ZMAT4: variants seen among roughly 807,000 people sequenced by gnomAD.
ZMAT4 encodes zinc finger matrin-type 4, also known as zinc finger matrin-type protein 4.
In ZMAT4, 17 loss-of-function variants were observed where a neutral mutation model predicts 28.7. The observed-to-expected ratio is 0.59, with a 90% CI of 0.41 to 0.89. The LOEUF is 0.89. Among genes scored for constraint, ZMAT4 ranks in the 40% least tolerant of loss-of-function variants. ZMAT4 has a pLI of 0.00. For synonymous variants in ZMAT4, 117 were observed against 109.2 expected (o/e 1.07, Z -0.44); for missense variants, 240 against 283.8 (o/e 0.85, Z 1.11).
chr8:40,586,870 G>A (rs917446393), intron 5 of ZMAT4, among the ~76,000 whole-genome samples: 1 of 152,092 alleles, frequency 6.6e-6, no homozygotes, highest in African/African-American at 2.4e-5. Flanking sequence ...ATAATTAAAG[G>A]TTGTGAAAGT....
chr8:40,881,515 GGAGA>G (rs1238949938), intron 1 of ZMAT4, among the ~76,000 whole-genome samples: 5 of 85,822 alleles, frequency 5.8e-5, no homozygotes, highest in Admixed American at 1.5e-4. Context: ...GGAAGGAAGG[GGAGA>G]GAGAGAGACA....
At chr8:40,595,210 G>A (rs1404511753) in intron 5 of ZMAT4, among the ~76,000 whole-genome samples, 1 of 152,074 alleles carries the variant, frequency 6.6e-6, no homozygotes, top group Non-Finnish European at 1.5e-5. Flanking sequence ...GTGCTCTAGG[G>A]TTGTTTTGAA....
At chr8:40,671,366 G>T (rs1306856822) in intron 5 of ZMAT4, among the ~76,000 whole-genome samples, 2 of 152,096 alleles carry the variant, frequency 1.3e-5, no homozygotes, top group Admixed American at 1.3e-4. Flanking sequence ...AAAGTCTTGT[G>T]CCGTAATGTT....
Position 40,531,883 on chromosome 8 carries a change from T to G in ZMAT4, c.*340A>C. On this transcript the variant is annotated 3_prime_UTR_variant, in exon 7 of 7. Transcript: ENST00000297737. ...AGAATAATTATGCTCTGAGGAAATC[T>G]AGAATAAATTGGAAATTTAAATTTT... 1 of 201,164 alleles carries G rather than the reference T, an allele frequency of 5.0e-6. No homozygotes were observed. The highest frequency in any genetic ancestry group is 9.9e-6 in the Non-Finnish European group (1 of 100,632). The allele number at this position is 201,164 out of a possible 1,614,324, so 12.5% of individuals were successfully genotyped here.
chr8:40,552,222 C>T lies in ZMAT4; in HGVS notation c.675-19984G>A, dbSNP rs146720956. On this transcript the variant is annotated intron_variant, in intron 6 of 6. Transcript: ENST00000297737. The stretch of plus-strand genomic sequence containing the variant: ...CCAGTTCTGAGTGAGCTCTCTTTTG[C>T]AGGTTTTGAGAAATGTACCCAATGT... Among the ~76,000 whole-genome samples, 16 of 152,244 alleles carry T rather than the reference C, an allele frequency of 1.1e-4. No homozygotes were observed. In the East Asian group the frequency reaches 2.9e-3, roughly 28 times the overall value.
At chr8:40,566,108 T>C (rs1170867774) in intron 6 of ZMAT4, among the ~76,000 whole-genome samples, 2 of 152,136 alleles carry the variant, frequency 1.3e-5, no homozygotes, top group Non-Finnish European at 2.9e-5. Flanking sequence ...TTAATAAATA[T>C]TTGCTAAACT....
chr8:40,668,461 T>C (rs1180606754), intron 5 of ZMAT4, among the ~76,000 whole-genome samples: 5 of 106,526 alleles, frequency 4.7e-5, no homozygotes, highest in African/African-American at 2.0e-4. Flanking sequence ...AGAGCAAGAC[T>C]TTGTCTCAAA....
At chr8:40,562,845 C>T (rs75798076) in intron 6 of ZMAT4, among the ~76,000 whole-genome samples, 103 of 152,222 alleles carry the variant, frequency 6.8e-4, no homozygotes, top group African/African-American at 2.3e-3. Context: ...CTGTCCTGTT[C>T]TCCTACTTAG....
At chr8:40,604,164 AAC>A (rs1201947134) in intron 5 of ZMAT4, among the ~76,000 whole-genome samples, 2 of 152,272 alleles carry the variant, frequency 1.3e-5, no homozygotes, top group East Asian at 3.9e-4. Context: ...ATCGTCAGTG[AAC>A]AGTGACAGTT....
chr8:40,630,863 A>C (rs2118724349), intron 5 of ZMAT4, among the ~76,000 whole-genome samples: 1 of 152,378 alleles, frequency 6.6e-6, no homozygotes, highest in Non-Finnish European at 1.5e-5. Context: ...TAGATGCCAT[A>C]GTCAAAAGTA....
intron 5 of ZMAT4, among the ~76,000 whole-genome samples, chr8:40,672,855 A>T (rs1808737443): frequency 6.6e-6 from 1 of 152,216 alleles, no homozygotes. Flanking sequence ...AAACATATGA[A>T]ATCCTCCATC....
chr8:40,542,768 A>G (rs1803082038), intron 6 of ZMAT4, among the ~76,000 whole-genome samples: 1 of 152,250 alleles, frequency 6.6e-6, no homozygotes, highest in South Asian at 2.1e-4. Flanking sequence ...GTAACAGAAT[A>G]AGTGAACTGT....
chr8:40,845,227 C>A (rs909592235), intron 1 of ZMAT4, among the ~76,000 whole-genome samples: 2 of 152,102 alleles, frequency 1.3e-5, no homozygotes, highest in Non-Finnish European at 2.9e-5. Flanking sequence ...TGTGTGGATG[C>A]CCTGGGTCTG....
chr8:40,614,932 G>T (rs1161966942), intron 5 of ZMAT4, among the ~76,000 whole-genome samples: 6 of 152,134 alleles, frequency 3.9e-5, no homozygotes, highest in African/African-American at 1.4e-4. Context: ...TACATTTAAG[G>T]TTAATATTGT....
intron 5 of ZMAT4, among the ~76,000 whole-genome samples, chr8:40,651,793 C>A (rs1401419716): frequency 1.4e-5 from 2 of 143,176 alleles, no homozygotes; most frequent in African/African-American, 5.1e-5. Flanking sequence ...CTACAACTAT[C>A]TGATCTTTGA....
At chr8:40,850,310 C>T (rs1817056149) in intron 1 of ZMAT4, among the ~76,000 whole-genome samples, 1 of 152,166 alleles carries the variant, frequency 6.6e-6, no homozygotes, top group African/African-American at 2.4e-5. Context: ...CCGCCACTCA[C>T]TGCCCTCCTT....
chr8:40,651,284 CA>C (rs1293599747), intron 5 of ZMAT4, among the ~76,000 whole-genome samples: 1 of 152,080 alleles, frequency 6.6e-6, no homozygotes, highest in African/African-American at 2.4e-5. Context: ...ACACCAACAA[CA>C]GACAAACAGA....
chr8:40,780,978 G>A (rs2150571723), intron 2 of ZMAT4, among the ~76,000 whole-genome samples: 2 of 152,300 alleles, frequency 1.3e-5, no homozygotes, highest in Middle Eastern at 3.4e-3. Flanking sequence ...AGCAAGACAA[G>A]AACATCCCCT....
At chr8:40,881,443 G>GAGAGAAAGAAAT (rs1563263332) in intron 1 of ZMAT4, among the ~76,000 whole-genome samples, 22 of 101,684 alleles carry the variant, frequency 2.2e-4, no homozygotes, top group African/African-American at 8.7e-4. Flanking sequence ...GAGAAAGAAA[G>GAGAGAAAGAAAT]AAAGAAAGAA....
Sources: allele counts gnomAD v4.1 joint callset (sites outside exome capture counted in the v4.1 genomes callset), GRCh38; gene constraint gnomAD v4.1.1; transcripts MANE v1.5; gene names NCBI Gene and HGNC (gene_info 2026-07-23, HGNC 2026-07-21).